The following ATP2C1 variants were observed in gnomAD, a reference collection of about 807,000 sequenced individuals.
ATP2C1 encodes the protein ATPase secretory pathway Ca2+ transporting 1.
ATP2C1 carries 31 observed loss-of-function variants against 120.5 expected under a neutral mutation model. The ratio of observed to expected loss-of-function variants is 0.26; its 90% CI spans 0.19 to 0.35. The LOEUF is 0.35. Ranked by LOEUF, ATP2C1 falls within the 10% of genes least tolerant of loss-of-function variation. The probability of loss-of-function intolerance (pLI) is 1.00; values close to 1 mark genes in which losing one functional copy is unlikely to be tolerated. For missense variants in ATP2C1, 731 were observed against 1,107.5 expected, an observed-to-expected ratio of 0.66 and a Z score of 4.83; for synonymous variants, 351 against 358.7, an observed-to-expected ratio of 0.98 and a Z score of 0.24.
intron 5 of ATP2C1, 152 bp downstream of exon 5, chr3:130,934,863 T>C: frequency 1.5e-6 from 1 of 660,916 alleles, no homozygotes; most frequent in Non-Finnish European, 2.7e-6. Context: ...CGACAGTTTC[T>C]TGTTGTATTG....
chr3:130,924,164 C>T (rs1045940675), intron 2 of ATP2C1, among the ~76,000 whole-genome samples: 7 of 149,826 alleles, frequency 4.7e-5, no homozygotes, highest in East Asian at 1.9e-4. Context: ...TTTTTCATTG[C>T]ATCATTGTTA....
At chr3:130,864,596 C>T (rs977264610) in intron 1 of ATP2C1, among the ~76,000 whole-genome samples, 2 of 152,196 alleles carry the variant, frequency 1.3e-5, no homozygotes, top group Non-Finnish European at 1.5e-5. Context: ...CCTGTGGTTT[C>T]GTGGGCTGGG....
At chr3:130,929,307 CT>C (rs940300826) in intron 2 of ATP2C1, among the ~76,000 whole-genome samples, 2 of 152,080 alleles carry the variant, frequency 1.3e-5, no homozygotes, top group Non-Finnish European at 2.9e-5. Context: ...TGAGAGAAGA[CT>C]TTTTTTCCTC....
intron 1 of ATP2C1, among the ~76,000 whole-genome samples, chr3:130,874,506 C>A (rs1222207054): frequency 6.6e-6 from 1 of 152,122 alleles, no homozygotes; most frequent in East Asian, 1.9e-4. Flanking sequence ...AATCATCAAC[C>A]AACATTTTAA....
chr3:130,962,852 GT>G (rs1559980649), intron 12 of ATP2C1: 1 of 151,696 alleles, frequency 6.6e-6, no homozygotes, highest in Non-Finnish European at 1.5e-5. Context: ...AGTGTGTATT[GT>G]TTAGCCAATA....
chr3:130,965,905 AAATG>A (rs543516458), intron 14 of ATP2C1, among the ~76,000 whole-genome samples: 27 of 152,232 alleles, frequency 1.8e-4, no homozygotes, highest in Non-Finnish European at 3.2e-4. Flanking sequence ...AATACTCGAT[AAATG>A]AATGAATGAA....
At chr3:130,937,612 A>C (rs1468112960) in intron 6 of ATP2C1, 149 bp downstream of exon 6, 1 of 722,988 alleles carries the variant, frequency 1.4e-6, no homozygotes, top group Non-Finnish European at 2.5e-6. Flanking sequence ...AGATACAGAC[A>C]ACTCTTCAGG....
intron 14 of ATP2C1, among the ~76,000 whole-genome samples, chr3:130,966,335 T>G (rs2108650702): frequency 6.6e-6 from 1 of 152,098 alleles, no homozygotes; most frequent in East Asian, 1.9e-4. Flanking sequence ...AGAATATTAG[T>G]TTTTCTTTTG....
At chr3:131,006,730 A>G (rs1398528324), downstream of ATP2C1, among the ~76,000 whole-genome samples, 1 of 148,288 alleles carries the variant, frequency 6.7e-6, no homozygotes, top group Non-Finnish European at 1.5e-5. Context: ...TAGTGTGATC[A>G]TGGCTCACTG....
At position 131,016,366 on chromosome 3, in the gene ATP2C1, G is replaced by A. The variant is rs772143118; in HGVS notation, c.*177G>A. The A allele has an allele frequency of 2.5e-6, 4 of 1,613,308 alleles. No individual in the cohort carries two copies. In the South Asian group the frequency reaches 3.3e-5, roughly 13 times the overall value. ...TAAATAAAGAAACAGCCCAAGGGCA[G>A]TATTTCTAAAAGCACTGTAACAGCT... On this transcript the variant is annotated 3_prime_UTR_variant, in exon 27 of 27. Coordinates refer to the ATP2C1 transcript ENST00000328560.
chr3:130,927,247 T>G (rs2059250679), intron 2 of ATP2C1, among the ~76,000 whole-genome samples: 1 of 151,668 alleles, frequency 6.6e-6, no homozygotes, highest in Non-Finnish European at 1.5e-5. Flanking sequence ...TTTTAACTTT[T>G]TTTTTTTTTT....
chr3:130,880,199 T>C (rs1481824908), intron 1 of ATP2C1, among the ~76,000 whole-genome samples: 5 of 152,232 alleles, frequency 3.3e-5, no homozygotes, highest in Non-Finnish European at 7.3e-5. Flanking sequence ...GTAAGCCTCC[T>C]GTTAAATATT....
intron 21 of ATP2C1, among the ~76,000 whole-genome samples, chr3:130,993,234 A>G (rs1303632672): frequency 6.6e-6 from 1 of 152,242 alleles, no homozygotes; most frequent in Non-Finnish European, 1.5e-5. Context: ...TTCTTTAAAC[A>G]GTTAGACAGT....
intron 20 of ATP2C1, among the ~76,000 whole-genome samples, chr3:130,991,094 C>T (rs912189258): frequency 6.6e-6 from 1 of 152,102 alleles, no homozygotes; most frequent in Non-Finnish European, 1.5e-5. Flanking sequence ...ATTCTGAGAC[C>T]TCTTATAGAG....
chr3:130,918,711 G>C (rs1263511736), intron 2 of ATP2C1: 4 of 448,736 alleles, frequency 8.9e-6, no homozygotes, highest in African/African-American at 2.0e-5. Flanking sequence ...GCAGCAGTGG[G>C]CCGGGCGCGG....
intron 2 of ATP2C1, among the ~76,000 whole-genome samples, chr3:130,899,851 C>T (rs533806972): frequency 7.2e-5 from 11 of 151,926 alleles, no homozygotes; most frequent in Non-Finnish European, 1.6e-4. Context: ...TCTATCTCTG[C>T]TTTTTTTAAT....
intron 8 of ATP2C1, among the ~76,000 whole-genome samples, chr3:130,942,298 C>T (rs918981730): frequency 2.6e-5 from 4 of 152,186 alleles, no homozygotes. Context: ...GGATACTAGG[C>T]TTAACTTCAG....
At chr3:130,862,400 C>T (rs1366342985) in intron 1 of ATP2C1, among the ~76,000 whole-genome samples, 2 of 151,190 alleles carry the variant, frequency 1.3e-5, no homozygotes, top group Non-Finnish European at 2.9e-5. Context: ...AGCGTGGTCC[C>T]GAACTCCTGG....
intron 19 of ATP2C1, 46 bp downstream of exon 19, chr3:130,979,465 A>G: frequency 7.0e-6 from 11 of 1,578,980 alleles, no homozygotes; most frequent in Non-Finnish European, 9.6e-6. Context: ...TTTTCTTAAA[A>G]TACTGTGGTG....
Sources: allele counts gnomAD v4.1 joint callset (sites outside exome capture counted in the v4.1 genomes callset), GRCh38; gene constraint gnomAD v4.1.1; transcripts MANE v1.5; gene names NCBI Gene and HGNC (gene_info 2026-07-23, HGNC 2026-07-21).